Variants in KIAA1217 observed in about 807,000 individuals in gnomAD.
KIAA1217 encodes KIAA1217.
A neutral mutation model predicts 163.9 loss-of-function variants in KIAA1217; 88 were observed. That is an observed-to-expected ratio of 0.54 (90% confidence interval 0.45 to 0.64). The LOEUF is 0.64. KIAA1217 is among the 30% of genes least tolerant of loss of function. The pLI is 0.00. For synonymous variants in KIAA1217, 903 were observed against 923.1 expected (o/e 0.98, Z 0.39); for missense variants, 2,372 against 2,475.0 (o/e 0.96, Z 0.88).
intron 2 of KIAA1217, chr10:24,158,288 G>T (rs147812069): frequency 1.4e-6 from 1 of 706,878 alleles, no homozygotes; most frequent in East Asian, 2.7e-5. Context: ...TCTCCTTCCC[G>T]GTTGGATCCT....
chr10:24,358,060 A>G (rs1010204462), intron 2 of KIAA1217, among the ~76,000 whole-genome samples: 2 of 152,270 alleles, frequency 1.3e-5, no homozygotes, highest in African/African-American at 4.8e-5. Context: ...GACTCCCAAG[A>G]ACCAATGCCT....
intron 2 of KIAA1217, among the ~76,000 whole-genome samples, chr10:24,036,084 C>A (rs1408902560): frequency 6.6e-6 from 1 of 152,210 alleles, no homozygotes; most frequent in Non-Finnish European, 1.5e-5. Context: ...CTCGAACCAG[C>A]CCCAGGGAGG....
At chr10:24,366,170 T>C (rs898808954) in intron 2 of KIAA1217, among the ~76,000 whole-genome samples, 1 of 152,162 alleles carries the variant, frequency 6.6e-6, no homozygotes. Flanking sequence ...ATGAGTCGGA[T>C]GCAGTGGCTC....
chr10:23,722,869 G>T (rs1338066467), intron 1 of KIAA1217, among the ~76,000 whole-genome samples: 1 of 152,158 alleles, frequency 6.6e-6, no homozygotes, highest in Admixed American at 6.5e-5. Flanking sequence ...TCACATTCCA[G>T]TTCCTAAGGA....
intron 2 of KIAA1217, among the ~76,000 whole-genome samples, chr10:24,111,146 G>A (rs547967799): frequency 6.6e-6 from 1 of 152,220 alleles, no homozygotes; most frequent in Non-Finnish European, 1.5e-5. Flanking sequence ...CTTTATTGCT[G>A]TCTCATTACC....
At chr10:23,992,635 C>T (rs1466616249) in intron 1 of KIAA1217, among the ~76,000 whole-genome samples, 1 of 144,620 alleles carries the variant, frequency 6.9e-6, no homozygotes, top group African/African-American at 2.7e-5. Flanking sequence ...TGGAAGCCCT[C>T]GTGATGGGAT....
chr10:24,272,017 T>C (rs2076818098), intron 2 of KIAA1217, among the ~76,000 whole-genome samples: 1 of 152,028 alleles, frequency 6.6e-6, no homozygotes. Context: ...GGGATGCTCG[T>C]GAGAGTAGGA....
chr10:24,208,867 TC>T, upstream of KIAA1217: 16 of 275,490 alleles, frequency 5.8e-5, no homozygotes, highest in South Asian at 9.9e-5. Context: ...TGTTGAGGCC[TC>T]CCCCCCACAC....
intron 1 of KIAA1217, among the ~76,000 whole-genome samples, chr10:23,823,012 G>A (rs1168861358): frequency 6.6e-6 from 1 of 152,186 alleles, no homozygotes; most frequent in African/African-American, 2.4e-5. Flanking sequence ...TAGAATTTAT[G>A]CTTGCATTCA....
intron 5 of KIAA1217, among the ~76,000 whole-genome samples, chr10:24,456,756 G>A (rs2061833478): frequency 6.6e-6 from 1 of 150,526 alleles, no homozygotes; most frequent in Admixed American, 6.6e-5. Flanking sequence ...AGGCTGGAGT[G>A]CAATGGTGTG....
intron 2 of KIAA1217, among the ~76,000 whole-genome samples, chr10:24,225,809 T>G (rs1250205429): frequency 6.6e-6 from 1 of 152,234 alleles, no homozygotes; most frequent in Admixed American, 6.5e-5. Context: ...TTTTCTCACC[T>G]AGAATAATCT....
upstream of KIAA1217, among the ~76,000 whole-genome samples, chr10:24,207,282 T>TCTCTCTCACACACACA (rs529791287): frequency 2.3e-3 from 328 of 140,216 alleles, 3 homozygotes; most frequent in African/African-American, 9.2e-3. Flanking sequence ...TCTCTCTCTC[T>TCTCTCTCACACACACA]CACACACACA....
intron 2 of KIAA1217, among the ~76,000 whole-genome samples, chr10:24,171,531 A>G (rs1313554318): frequency 6.6e-6 from 1 of 152,230 alleles, no homozygotes; most frequent in Non-Finnish European, 1.5e-5. Flanking sequence ...TCGGCTGGGC[A>G]CGGTGGCTCA....
intron 3 of KIAA1217, among the ~76,000 whole-genome samples, chr10:24,412,319 T>C (rs1384935601): frequency 1.3e-5 from 2 of 152,162 alleles, no homozygotes; most frequent in Non-Finnish European, 2.9e-5. Flanking sequence ...TGACCTCATG[T>C]TTCAGCTTTA....
chr10:23,863,458 C>T (rs1330945262), intron 1 of KIAA1217, among the ~76,000 whole-genome samples: 1 of 152,130 alleles, frequency 6.6e-6, no homozygotes, highest in Non-Finnish European at 1.5e-5. Flanking sequence ...GGCTTCACAA[C>T]ATTTAGGCTG....
At chr10:24,212,667 C>A (rs2068288339) in intron 1 of KIAA1217, among the ~76,000 whole-genome samples, 1 of 152,178 alleles carries the variant, frequency 6.6e-6, no homozygotes, top group Admixed American at 6.5e-5. Flanking sequence ...AGCACGAGTG[C>A]CGCAAGGGAG....
At chr10:24,436,756 T>G (rs2060070517) in intron 4 of KIAA1217, among the ~76,000 whole-genome samples, 1 of 13,432 alleles carries the variant, frequency 7.4e-5, no homozygotes, top group Admixed American at 1.8e-3. Context: ...AGACTCCGTC[T>G]CAAAAAAAAA....
intron 3 of KIAA1217, among the ~76,000 whole-genome samples, chr10:24,431,218 C>T (rs1180489106): frequency 6.6e-6 from 1 of 152,124 alleles, no homozygotes; most frequent in Admixed American, 6.5e-5. Flanking sequence ...CATATTGAAC[C>T]GGAATTCATT....
intron 10 of KIAA1217, 122 bp downstream of exon 10, chr10:24,513,556 A>C: frequency 1.1e-6 from 1 of 883,482 alleles, no homozygotes; most frequent in Non-Finnish European, 1.7e-6. Flanking sequence ...CTACTGTGTA[A>C]AAGTTAGAGT....
Sources: gnomAD v4.1 joint callset for allele counts (sites outside exome capture counted in the v4.1 genomes callset) on GRCh38, gnomAD v4.1.1 for gene constraint, MANE v1.5 for transcripts, NCBI Gene and HGNC (gene_info 2026-07-23, HGNC 2026-07-21) for gene names.